NGLY1: variants seen among roughly 807,000 people sequenced by gnomAD.
The protein encoded by NGLY1 is N-glycanase 1, also known as peptide-N(4)-(N-acetyl-beta-glucosaminyl)asparagine amidase.
In NGLY1, 68 loss-of-function variants were observed where a neutral mutation model predicts 84.6. That is an observed-to-expected ratio of 0.80 (90% CI 0.66 to 0.98). NGLY1 has a LOEUF of 0.98. Among genes scored for constraint, NGLY1 ranks in the 50% least tolerant of loss-of-function variants. NGLY1 has a pLI of 0.00. For synonymous variants in NGLY1, 280 were observed against 275.2 expected (o/e 1.02, Z -0.17); for missense variants, 779 against 770.2 (o/e 1.01, Z -0.14).
intron 3 of NGLY1, among the ~76,000 whole-genome samples, chr3:25,757,805 T>A (rs1228986957): frequency 6.6e-6 from 1 of 152,164 alleles, no homozygotes; most frequent in Non-Finnish European, 1.5e-5. Context: ...AGTAAAACAA[T>A]TAAGTTATAA....
chr3:25,734,029 C>A (rs1381769278), intron 7 of NGLY1, 47 bp from the exon 8 acceptor site: 5 of 1,597,800 alleles, frequency 3.1e-6, no homozygotes, highest in Non-Finnish European at 4.3e-6. Context: ...TTACAACCAT[C>A]AACCTTTACT....
At chr3:25,754,787 G>GTTTTTT in intron 3 of NGLY1, 1 of 272,400 alleles carries the variant, frequency 3.7e-6, no homozygotes. Context: ...GATGACTCGT[G>GTTTTTT]CTTTTTTTTT....
chr3:25,755,751 A>G, intron 3 of NGLY1: 3 of 890,128 alleles, frequency 3.4e-6, no homozygotes, highest in Non-Finnish European at 5.2e-6. Flanking sequence ...GAACTAGAAT[A>G]TTCTAGATCT....
chr3:25,751,440 T>G (rs1251598043), intron 3 of NGLY1, among the ~76,000 whole-genome samples, 177 bp from the exon 4 acceptor site: 2 of 152,238 alleles, frequency 1.3e-5, no homozygotes, highest in East Asian at 3.8e-4. Context: ...CAGCCACATT[T>G]GTGTCAGAGC....
rs778296281 is a variant in NGLY1 at position 25,719,416 on chromosome 3, G to GT, written c.*43dup. On this transcript the variant is annotated 3_prime_UTR_variant, in exon 12 of 12. Coordinates refer to ENST00000280700, the MANE Select transcript of NGLY1 (RefSeq NM_018297.4). Reference sequence around the variant, plus strand: ...TGCACTGAACCAACAGACTACTTCAGTAAGTCCTTGATTATTGCCAGCTTT... The same window carrying GT: ...TGCACTGAACCAACAGACTACTTCAGTTAAGTCCTTGATTATTGCCAGCTTT... 1.3e-6 allele frequency: 2 copies of GT among 1,571,428 alleles called. No homozygotes were observed. Among genetic ancestry groups the GT allele is most frequent in the Admixed American group, 1.7e-5 (1 of 59,190 alleles).
At chr3:25,738,797 A>C (rs1559537144) in intron 5 of NGLY1, among the ~76,000 whole-genome samples, 1 of 152,052 alleles carries the variant, frequency 6.6e-6, no homozygotes. Flanking sequence ...CATGATTAGA[A>C]ACTATGTCCT....
At chr3:25,754,813 G>C in intron 3 of NGLY1, 2 of 385,722 alleles carry the variant, frequency 5.2e-6, no homozygotes, top group Non-Finnish European at 9.2e-6. Context: ...TTTGATACGA[G>C]CAACTGGGTC....
intron 4 of NGLY1, among the ~76,000 whole-genome samples, chr3:25,745,956 A>T (rs978631074): frequency 4.6e-5 from 7 of 152,218 alleles, no homozygotes; most frequent in Non-Finnish European, 7.4e-5. Context: ...TTCGGCCAAG[A>T]CGTGTTTCCT....
intron 10 of NGLY1, among the ~76,000 whole-genome samples, chr3:25,721,492 G>A (rs992467055): frequency 6.6e-5 from 10 of 151,976 alleles, no homozygotes; most frequent in African/African-American, 9.7e-5. Context: ...GGTGGCTCAC[G>A]CCTGTAATCC....
At chr3:25,783,543 TCGGCCGGCAGGGGCGGGGTCC>T (rs1708527440), upstream of NGLY1, 22 of 189,432 alleles carry the variant, frequency 1.2e-4, 1 homozygote, top group South Asian at 6.4e-4. This position sits in a 1 kb window ranked among gnomAD's most constrained non-coding sequence, Gnocchi z 4.5. Context: ...GGCGGGGTCC[TCGGCCGGCAGGGGCGGGGTCC>T]TCGGCCGGCA....
rs1706982631 is a variant in NGLY1 at position 25,755,296 on chromosome 3, A to G, written c.493-4033T>C. On this transcript the variant is annotated intron_variant, in intron 3 of 11. Transcript: ENST00000280700. ...CTGATAGATACTGCTTAACAGCTCC[A>G]AACTATAGGCTGAAGTCCTTAATTA... 9 of 1,365,124 alleles carry G rather than the reference A, an allele frequency of 6.6e-6. No individual in the cohort carries two copies. The South Asian group carries it at 9.3e-5, about 14-fold the overall frequency. The allele number at this position is 1,365,124 out of a possible 1,614,324, so 84.6% of individuals were successfully genotyped here.
chr3:25,751,371 T>C (rs143775437), intron 3 of NGLY1, 108 bp from the exon 4 acceptor site: 24 of 881,474 alleles, frequency 2.7e-5, no homozygotes, highest in Middle Eastern at 3.6e-4. Context: ...AGGGAATGTA[T>C]GGATTCACTT....
At chr3:25,725,126 A>G (rs1323402716) in intron 10 of NGLY1, among the ~76,000 whole-genome samples, 1 of 152,220 alleles carries the variant, frequency 6.6e-6, no homozygotes, top group African/African-American at 2.4e-5. Flanking sequence ...GAAGAATCTG[A>G]ACAGACAGGC....
chr3:25,756,312 T>C (rs1206662995), intron 3 of NGLY1, among the ~76,000 whole-genome samples: 1 of 152,236 alleles, frequency 6.6e-6, no homozygotes, highest in African/African-American at 2.4e-5. Context: ...ATATCATTCC[T>C]GGTAATACAG....
chr3:25,751,141 CCT>C lies in NGLY1; in HGVS notation c.613_614del (p.Arg205GlufsTer10). ...CTCTCGATAACTTTTCTTGTGATTT[CCT>C]TTTTAGTTCTTGGACCGGAATACAA... Reference protein sequence around the residue: ...LACIPVQELKRKSQEKLSRAR... With the variant: ...LACIPVQELKXKSQEKLSRAR... On this transcript the variant is annotated frameshift_variant, in exon 4 of 12. Coordinates refer to ENST00000280700, the MANE Select transcript of NGLY1 (RefSeq NM_018297.4). LOFTEE classifies it high-confidence loss of function. 1 of 1,613,546 alleles carries C rather than the reference CCT, an allele frequency of 6.2e-7. No homozygotes were observed. Among genetic ancestry groups the C allele is most frequent in the Non-Finnish European group, 8.5e-7 (1 of 1,179,764 alleles).
chr3:25,785,521 C>CT (rs35504148), upstream of NGLY1, among the ~76,000 whole-genome samples: 10,384 of 140,640 alleles, frequency 0.074, 739 homozygotes, highest in African/African-American at 0.19. Flanking sequence ...TGCAACAGAA[C>CT]TTTTTTTTTT....
intron 9 of NGLY1, chr3:25,730,235 C>T (rs1705473833): frequency 6.6e-6 from 1 of 151,846 alleles, no homozygotes; most frequent in African/African-American, 2.4e-5. Context: ...AATGATAGTA[C>T]CAATGTTTCT....
Position 25,763,991 on chromosome 3 carries a change from A to G in NGLY1, c.492+75T>C, listed in dbSNP as rs535013002. On this transcript the variant is annotated intron_variant, in intron 3 of 11. Transcript: ENST00000280700. ...TGGGGCATAAATTCAGGAATAAATC[A>G]TAACACATTCCAAAGCTTTTGCTGT... 2.0e-5 allele frequency: 31 copies of G among 1,550,122 alleles called. No individual in the cohort carries two copies. The South Asian group carries it at 2.4e-4, about 12-fold the overall frequency.
At chr3:25,721,670 A>G (rs576434368) in intron 10 of NGLY1, among the ~76,000 whole-genome samples, 1 of 140,170 alleles carries the variant, frequency 7.1e-6, no homozygotes, top group Admixed American at 7.9e-5. Context: ...AATGGTGTGA[A>G]CCCGGGGGGC....
Sources: allele counts gnomAD v4.1 joint callset (sites outside exome capture counted in the v4.1 genomes callset), GRCh38; gene constraint gnomAD v4.1.1; non-coding constraint Gnocchi (gnomAD v3.1); transcripts MANE v1.5; gene names NCBI Gene and HGNC (gene_info 2026-07-23, HGNC 2026-07-21).